The following MGAT4C variants were observed in gnomAD, a reference collection of about 807,000 sequenced individuals.
MGAT4C encodes the protein alpha-1,3-mannosyl-glycoprotein 4-beta-N-acetylglucosaminyltransferase C.
In MGAT4C, 19 loss-of-function variants were observed where a neutral mutation model predicts 40.1. The observed-to-expected ratio is 0.47, with a 90% confidence interval of 0.33 to 0.70. MGAT4C has a LOEUF of 0.70. Among genes scored for constraint, MGAT4C ranks in the 30% least tolerant of loss-of-function variants. The pLI, the probability that MGAT4C is intolerant of heterozygous loss-of-function variation, is 0.02. For synonymous variants in MGAT4C, 181 were observed against 187.1 expected, an observed-to-expected ratio of 0.97 and a Z score of 0.27; for missense variants, 491 against 563.2, an observed-to-expected ratio of 0.87 and a Z score of 1.30.
chr12:86,512,508 T>C (rs1379281645), intron 2 of MGAT4C, among the ~76,000 whole-genome samples: 1 of 152,106 alleles, frequency 6.6e-6, no homozygotes, highest in Non-Finnish European at 1.5e-5. Flanking sequence ...TCATTCATAA[T>C]GGCCGAAGTA....
At chr12:86,501,300 T>G (rs544311930) in intron 2 of MGAT4C, among the ~76,000 whole-genome samples, 1 of 152,088 alleles carries the variant, frequency 6.6e-6, no homozygotes, top group Non-Finnish European at 1.5e-5. Context: ...ATTATTTTTA[T>G]TTGTTTTTCC....
chr12:86,304,053 T>G (rs1953876677), intron 4 of MGAT4C, among the ~76,000 whole-genome samples: 1 of 150,666 alleles, frequency 6.6e-6, no homozygotes, highest in African/African-American at 2.5e-5. Flanking sequence ...AAGTTATATT[T>G]CCTCATAGAA....
chr12:86,065,465 A>T (rs1894447471), intron 1 of MGAT4C, among the ~76,000 whole-genome samples: 1 of 152,190 alleles, frequency 6.6e-6, no homozygotes, highest in Non-Finnish European at 1.5e-5. Context: ...AAACCACATG[A>T]TTATCTCAAT....
intron 3 of MGAT4C, among the ~76,000 whole-genome samples, chr12:86,382,534 T>C (rs1286813199): frequency 2.0e-5 from 3 of 152,184 alleles, no homozygotes; most frequent in Admixed American, 6.5e-5. Flanking sequence ...GAAATTTGCA[T>C]AAGTAACGAG....
At chr12:86,409,070 A>G (rs1277646718) in intron 3 of MGAT4C, among the ~76,000 whole-genome samples, 2 of 152,132 alleles carry the variant, frequency 1.3e-5, no homozygotes, top group East Asian at 3.8e-4. Flanking sequence ...AGAAATTTCG[A>G]GAAAGAAAAT....
intron 1 of MGAT4C, among the ~76,000 whole-genome samples, chr12:86,140,081 T>C (rs1187516380): frequency 1.3e-5 from 2 of 152,196 alleles, no homozygotes; most frequent in East Asian, 3.9e-4. Flanking sequence ...ATGTCTATAC[T>C]GGCCTTAAAT....
intron 4 of MGAT4C, among the ~76,000 whole-genome samples, chr12:86,293,999 T>C (rs1953596868): frequency 6.6e-6 from 1 of 152,150 alleles, no homozygotes; most frequent in Admixed American, 6.5e-5. Flanking sequence ...ATTCTTTTGC[T>C]CTAACTCCTA....
intron 1 of MGAT4C, among the ~76,000 whole-genome samples, chr12:86,142,596 T>A (rs1882980811): frequency 6.6e-6 from 1 of 152,174 alleles, no homozygotes; most frequent in Non-Finnish European, 1.5e-5. Context: ...CCTTTACAGC[T>A]GAATAGCTGA....
chr12:86,024,425 T>G (rs1184865395), intron 2 of MGAT4C, among the ~76,000 whole-genome samples: 1 of 151,812 alleles, frequency 6.6e-6, no homozygotes, highest in African/African-American at 2.4e-5. Flanking sequence ...AAGGGACTAG[T>G]TCTAAAGTTA....
intron 2 of MGAT4C, among the ~76,000 whole-genome samples, chr12:86,601,738 C>A (rs540852119): frequency 6.6e-6 from 1 of 152,280 alleles, no homozygotes; most frequent in East Asian, 1.9e-4. Flanking sequence ...CCCCACCCAA[C>A]CGGGAAGAAG....
chr12:86,538,036 A>C (rs1013245388), intron 2 of MGAT4C, among the ~76,000 whole-genome samples: 2 of 152,202 alleles, frequency 1.3e-5, no homozygotes, highest in African/African-American at 2.4e-5. Context: ...GCAGTGAGCC[A>C]AGATCATGCC....
At chr12:86,814,996 GA>G (rs1436057719) in intron 1 of MGAT4C, among the ~76,000 whole-genome samples, 1 of 151,780 alleles carries the variant, frequency 6.6e-6, no homozygotes, top group Non-Finnish European at 1.5e-5. Flanking sequence ...ATTATAAAAT[GA>G]AAAAAATGAG....
At chr12:86,275,908 G>A (rs1953066601) in intron 4 of MGAT4C, among the ~76,000 whole-genome samples, 1 of 133,314 alleles carries the variant, frequency 7.5e-6, no homozygotes, top group Non-Finnish European at 1.5e-5. Flanking sequence ...AGACCATTTT[G>A]GCTAACACGG....
chr12:86,190,044 G>A (rs1889199652), intron 1 of MGAT4C, among the ~76,000 whole-genome samples: 1 of 151,956 alleles, frequency 6.6e-6, no homozygotes, highest in Admixed American at 6.6e-5. Context: ...TGGTTGTGAA[G>A]GACATTTGAT....
At chr12:86,316,750 A>G (rs1474006490) in intron 4 of MGAT4C, among the ~76,000 whole-genome samples, 6 of 152,062 alleles carry the variant, frequency 3.9e-5, no homozygotes, top group Non-Finnish European at 8.8e-5. Flanking sequence ...GGGAAAACTA[A>G]CTCTTGGGGA....
At chr12:86,281,520 T>C (rs1040189549) in intron 4 of MGAT4C, among the ~76,000 whole-genome samples, 1 of 152,040 alleles carries the variant, frequency 6.6e-6, no homozygotes, top group Non-Finnish European at 1.5e-5. Context: ...TTATAAATAA[T>C]TATTGGAAGA....
At chr12:86,495,645 C>G (rs1958222807) in intron 2 of MGAT4C, among the ~76,000 whole-genome samples, 1 of 151,952 alleles carries the variant, frequency 6.6e-6, no homozygotes, top group East Asian at 1.9e-4. Flanking sequence ...GTAGCAGATA[C>G]CTACAGGAAG....
intron 2 of MGAT4C, among the ~76,000 whole-genome samples, chr12:86,627,824 G>T (rs375067324): frequency 6.6e-6 from 1 of 152,152 alleles, no homozygotes; most frequent in East Asian, 1.9e-4. Flanking sequence ...CTAAAAACCA[G>T]AGTGCGCCTT....
chr12:86,000,750 AAAC>A (rs1341749389), intron 2 of MGAT4C, among the ~76,000 whole-genome samples: 2 of 152,190 alleles, frequency 1.3e-5, no homozygotes, highest in Non-Finnish European at 1.5e-5. Context: ...ATATGTTGAA[AAAC>A]AACTTTATTA....
Sources: gnomAD v4.1 joint callset for allele counts (sites outside exome capture counted in the v4.1 genomes callset) on GRCh38, gnomAD v4.1.1 for gene constraint, MANE v1.5 for transcripts, NCBI Gene and HGNC (gene_info 2026-07-23, HGNC 2026-07-21) for gene names.